Variants in THEMIS observed in about 807,000 individuals in gnomAD.
The protein encoded by THEMIS is protein THEMIS.
THEMIS carries 37 observed loss-of-function variants against 52.6 expected under a neutral mutation model. That is an observed-to-expected ratio of 0.70 (90% CI 0.54 to 0.93). THEMIS has a LOEUF of 0.93. Among genes scored for constraint, THEMIS ranks in the 40% least tolerant of loss-of-function variants. The pLI is 0.00. For missense variants in THEMIS, 808 were observed against 763.1 expected, an observed-to-expected ratio of 1.06 and a Z score of -0.69; for synonymous variants, 292 against 272.7, an observed-to-expected ratio of 1.07 and a Z score of -0.70.
At chr6:127,805,788 T>G (rs1026119883) in intron 4 of THEMIS, among the ~76,000 whole-genome samples, 1 of 152,154 alleles carries the variant, frequency 6.6e-6, no homozygotes, top group African/African-American at 2.4e-5. Context: ...GTAGCAAAAC[T>G]TATTTGCTCA....
At position 127,709,958 on chromosome 6, in the gene THEMIS, T is replaced by G. The variant is rs777013037; in HGVS notation, c.*27A>C. On this transcript the variant is annotated 3_prime_UTR_variant, in exon 6 of 6. Coordinates refer to ENST00000368248, the MANE Select transcript of THEMIS (RefSeq NM_001010923.3). ...TTTTCACTGCAACATTTATGTTTGC[T>G]GCCTAAGTGGCTTCTGTCACATCTT... The G allele has an allele frequency of 6.3e-7, 1 of 1,580,088 alleles. No homozygotes were observed. The highest frequency in any genetic ancestry group is 1.2e-5 in the South Asian group (1 of 84,882).
chr6:127,716,228 C>A (rs998292982), intron 5 of THEMIS, among the ~76,000 whole-genome samples: 1 of 151,792 alleles, frequency 6.6e-6, no homozygotes, highest in Admixed American at 6.6e-5. Flanking sequence ...GTCATCCTTC[C>A]TGGCAGTGAT....
In THEMIS at chr6:127,855,245, G is replaced by A. The variant is rs1445410325; in HGVS notation, c.92-57C>T. On this transcript the variant is annotated intron_variant, in intron 1 of 5. Coordinates refer to ENST00000368248, the MANE Select transcript of THEMIS (RefSeq NM_001010923.3). Reference sequence around the variant, plus strand: ...TAAAAAGAAAACAGTGAAAAACAAAGTAGACTCAAAAGCTTAATATAAAGT... The same window carrying A: ...TAAAAAGAAAACAGTGAAAAACAAAATAGACTCAAAAGCTTAATATAAAGT... The A allele has an allele frequency of 1.4e-5, 20 of 1,397,948 alleles. 1 individual carries two copies. The highest frequency in any genetic ancestry group is 1.9e-5 in the Non-Finnish European group (20 of 1,042,160). The allele number at this position is 1,397,948 out of a possible 1,614,324, so 86.6% of individuals were successfully genotyped here.
intron 4 of THEMIS, among the ~76,000 whole-genome samples, chr6:127,735,574 G>T (rs6940280): frequency 0.15 from 23,525 of 152,116 alleles, 1,938 homozygotes; most frequent in African/African-American, 0.21. Flanking sequence ...AGTCAACATT[G>T]TGGATCATGA....
rs576931076 is a variant in THEMIS at position 127,798,809 on chromosome 6, T to C, written c.1758+14074A>G. Among the ~76,000 whole-genome samples the C allele has an allele frequency of 2.1e-3, 317 of 151,108 alleles. 1 individual carries two copies. The highest frequency in any genetic ancestry group is 3.4e-3 in the Non-Finnish European group (231 of 67,764). ...ATCGAGACCATCCTGGCTAAAACGG[T>C]GAAACCCTGTCTCTACTAAAAAAAT... On this transcript the variant is annotated intron_variant, in intron 4 of 5. Coordinates refer to ENST00000368248, the MANE Select transcript of THEMIS (RefSeq NM_001010923.3).
At chr6:127,871,504 A>C (rs1388881441) in intron 1 of THEMIS, among the ~76,000 whole-genome samples, 1 of 152,018 alleles carries the variant, frequency 6.6e-6, no homozygotes, top group Non-Finnish European at 1.5e-5. Context: ...AAAAATAAAG[A>C]AAATCAATGA....
chr6:127,789,142 T>C (rs1294517400), intron 4 of THEMIS, among the ~76,000 whole-genome samples: 2 of 151,660 alleles, frequency 1.3e-5, no homozygotes, highest in Non-Finnish European at 2.9e-5. Flanking sequence ...GCCAGACTAA[T>C]AAAGAAGAGA....
chr6:127,783,810 T>C (rs1210865062), intron 4 of THEMIS, among the ~76,000 whole-genome samples: 2 of 152,196 alleles, frequency 1.3e-5, no homozygotes, highest in African/African-American at 4.8e-5. Flanking sequence ...AGTTCAACCA[T>C]TGTGGAAGAC....
In THEMIS at chr6:127,885,942, G is replaced by A. The variant is rs566526298; in HGVS notation, c.91+14900C>T. Among the ~76,000 whole-genome samples, 11 of 152,112 alleles carry A rather than the reference G, an allele frequency of 7.2e-5. No individual in the cohort carries two copies. In the South Asian group the frequency reaches 2.3e-3, roughly 32 times the overall value. On this transcript the variant is annotated intron_variant, in intron 1 of 5. Transcript: ENST00000368248. The stretch of plus-strand genomic sequence containing the variant: ...ACCACTAGATTAGGTGGTTTTGGCT[G>A]ATTTACTTTGGTATCTACAGTTTCC...
chr6:127,820,956 A>T (rs1040939464), intron 3 of THEMIS, among the ~76,000 whole-genome samples: 1 of 152,028 alleles, frequency 6.6e-6, no homozygotes, highest in Admixed American at 6.6e-5. Flanking sequence ...GGCAAATATT[A>T]TATCTAAGAA....
chr6:127,829,589 G>C lies in THEMIS; in HGVS notation c.596C>G (p.Thr199Ser). 6.2e-7 allele frequency: 1 copy of C among 1,614,042 alleles called. No individual in the cohort carries two copies. Among genetic ancestry groups the C allele is most frequent in the African/African-American group, 1.3e-5 (1 of 75,046 alleles). The change falls in exon 3 of 6, where the codon ACT becomes AGT. Residue 199 changes from threonine to serine, a missense_variant. Coordinates refer to ENST00000368248, the MANE Select transcript of THEMIS (RefSeq NM_001010923.3). The stretch of plus-strand genomic sequence containing the variant: ...ATTTGAAAAATCTGTAAGGTTTACA[G>C]TTCTTGTTCTGTTCTTAGGAATCTT... ...EWKIPKNRTR[T>S]VNLTDFSNKW...
chr6:127,749,151 G>A (rs1329434352), intron 4 of THEMIS, among the ~76,000 whole-genome samples: 3 of 152,032 alleles, frequency 2.0e-5, no homozygotes, highest in Non-Finnish European at 4.4e-5. Context: ...AGGATATTAT[G>A]CCTTTTGGAT....
downstream of THEMIS, among the ~76,000 whole-genome samples, chr6:127,703,196 C>T (rs1266071544): frequency 1.3e-5 from 2 of 150,942 alleles, no homozygotes; most frequent in Non-Finnish European, 3.0e-5. Context: ...TACAGGCGCC[C>T]GCCACTACGC....
chr6:127,728,521 A>C (rs1398486261), intron 4 of THEMIS, among the ~76,000 whole-genome samples: 1 of 152,200 alleles, frequency 6.6e-6, no homozygotes, highest in East Asian at 1.9e-4. Context: ...TAGCTTTCAA[A>C]TATTAACATA....
chr6:127,917,437 A>T (rs1781550111), intron 1 of THEMIS, among the ~76,000 whole-genome samples: 1 of 152,226 alleles, frequency 6.6e-6, no homozygotes, highest in South Asian at 2.1e-4. Context: ...TGAAAACAGG[A>T]CAGGAACCGG....
intron 3 of THEMIS, among the ~76,000 whole-genome samples, chr6:127,818,444 A>C (rs566922672): frequency 3.3e-4 from 51 of 152,330 alleles, no homozygotes; most frequent in African/African-American, 1.2e-3. Context: ...AGAAAGCACT[A>C]CATGAAAATG....
At chr6:127,710,989 C>A (rs1307506675) in intron 5 of THEMIS, among the ~76,000 whole-genome samples, 3 of 143,330 alleles carry the variant, frequency 2.1e-5, no homozygotes, top group African/African-American at 7.7e-5. Context: ...CTCCCTCCCT[C>A]CCTTCCTTCC....
At chr6:127,875,261 G>A (rs910046480) in intron 1 of THEMIS, among the ~76,000 whole-genome samples, 19 of 152,120 alleles carry the variant, frequency 1.2e-4, no homozygotes, top group African/African-American at 4.3e-4. Context: ...TCAAAATAAA[G>A]AGTTTATTTT....
chr6:127,783,583 C>T (rs1334400776), intron 4 of THEMIS, among the ~76,000 whole-genome samples: 1 of 152,122 alleles, frequency 6.6e-6, no homozygotes, highest in Non-Finnish European at 1.5e-5. Context: ...AGGATATGAA[C>T]AGATACTTCT....
Sources: gnomAD v4.1 joint callset for allele counts (sites outside exome capture counted in the v4.1 genomes callset) on GRCh38, gnomAD v4.1.1 for gene constraint, MANE v1.5 for transcripts, NCBI Gene and HGNC (gene_info 2026-07-23, HGNC 2026-07-21) for gene names.